The following CUX1 variants were observed in gnomAD, a reference collection of about 807,000 sequenced individuals.
The protein encoded by CUX1 is cut like homeobox 1.
A neutral mutation model predicts 158.8 loss-of-function variants in CUX1; 31 were observed. That is an observed-to-expected ratio of 0.20 (90% CI 0.15 to 0.26). The LOEUF is 0.26. Among genes scored for constraint, CUX1 ranks in the 10% least tolerant of loss-of-function variants. The pLI is 1.00. For missense variants in CUX1, 1,589 were observed against 2,014.6 expected (o/e 0.79, Z 4.04); for synonymous variants, 879 against 862.1 (o/e 1.02, Z -0.34).
At chr7:101,980,303 C>T (rs903594920) in intron 2 of CUX1, among the ~76,000 whole-genome samples, 2 of 151,998 alleles carry the variant, frequency 1.3e-5, no homozygotes, top group African/African-American at 2.4e-5. Flanking sequence ...CCCAGGAGTT[C>T]GAGACCAGCC....
At chr7:101,901,826 C>T (rs757600856) in intron 1 of CUX1, among the ~76,000 whole-genome samples, 4 of 152,194 alleles carry the variant, frequency 2.6e-5, no homozygotes, top group Admixed American at 1.3e-4. Context: ...GTTCTCCTCG[C>T]GAAGGGGAAG....
intron 8 of CUX1, among the ~76,000 whole-genome samples, chr7:102,127,018 A>G (rs1554495502): frequency 2.6e-5 from 4 of 152,096 alleles, no homozygotes; most frequent in Non-Finnish European, 1.5e-5. Flanking sequence ...CTCCTATGAG[A>G]ATCTAATGCT....
intron 20 of CUX1, among the ~76,000 whole-genome samples, chr7:102,220,597 C>G (rs1797708068): frequency 6.6e-6 from 1 of 152,146 alleles, no homozygotes; most frequent in Non-Finnish European, 1.5e-5. Flanking sequence ...GCTGGAAAGG[C>G]CCGCAGGCTG....
At chr7:102,025,873 G>A (rs987836068) in intron 2 of CUX1, among the ~76,000 whole-genome samples, 4 of 152,108 alleles carry the variant, frequency 2.6e-5, no homozygotes, top group Non-Finnish European at 1.5e-5. Flanking sequence ...GATGATATTT[G>A]TCAAAAAACT....
chr7:102,193,798 T>C (rs1188511774), intron 12 of CUX1, 44 bp from the exon 13 acceptor site: 9 of 1,596,102 alleles, frequency 5.6e-6, no homozygotes, highest in Middle Eastern at 3.3e-4. Flanking sequence ...CGAGACTCTG[T>C]CTCAAAAAAT....
At chr7:101,860,776 CCT>C (rs2131357628) in intron 1 of CUX1, among the ~76,000 whole-genome samples, 1 of 133,246 alleles carries the variant, frequency 7.5e-6, no homozygotes, top group East Asian at 2.2e-4. Flanking sequence ...TTCCTTCCTT[CCT>C]TCCTTCCCTC....
At chr7:101,989,218 C>T (rs1814762072) in intron 2 of CUX1, among the ~76,000 whole-genome samples, 2 of 152,122 alleles carry the variant, frequency 1.3e-5, no homozygotes, top group Admixed American at 6.5e-5. Context: ...TGCAGGCCTC[C>T]GTCCTCCACC....
intron 4 of CUX1, among the ~76,000 whole-genome samples, chr7:102,086,808 T>A (rs1554480646): frequency 1.3e-5 from 2 of 152,198 alleles, no homozygotes; most frequent in Non-Finnish European, 2.9e-5. Context: ...TTGCATAGTT[T>A]AAAGCTTTGT....
chr7:102,087,890 A>G (rs1828113561), intron 4 of CUX1, among the ~76,000 whole-genome samples: 1 of 151,860 alleles, frequency 6.6e-6, no homozygotes, highest in Non-Finnish European at 1.5e-5. Flanking sequence ...ACGTGAAATC[A>G]TTTTCTTTTG....
At chr7:101,936,457 C>A (rs927227960) in intron 2 of CUX1, among the ~76,000 whole-genome samples, 2 of 152,088 alleles carry the variant, frequency 1.3e-5, no homozygotes, top group Admixed American at 6.6e-5. Flanking sequence ...GGCTGGCGAG[C>A]AGACAGGAGG....
rs988259875 is a variant in CUX1, at chr7:102,081,482, C to T, written c.268+11065C>T. Among the ~76,000 whole-genome samples the T allele has an allele frequency of 7.5e-5, 11 of 146,762 alleles. 2 individuals carry two copies. Among genetic ancestry groups the T allele is most frequent in the African/African-American group, 1.2e-4 (5 of 41,068 alleles). On this transcript the variant is annotated intron_variant, in intron 4 of 23. Transcript: ENST00000292535. Reference sequence around the variant, plus strand: ...TGGTTTTATAAGTGTTTGGCAGTTCCACCTTCGCTCATCTCTCTCCTGCCA... The same window carrying T: ...TGGTTTTATAAGTGTTTGGCAGTTCTACCTTCGCTCATCTCTCTCCTGCCA...
rs782021181 is a variant in CUX1, at chr7:102,200,026, T to C, written c.1961-45T>C. The C allele has an allele frequency of 1.4e-5, 22 of 1,527,792 alleles. No homozygotes were observed. The South Asian group carries it at 2.6e-4, about 18-fold the overall frequency. 94.6% of individuals were successfully genotyped at this position (1,527,792 alleles called of 1,614,324 possible). On this transcript the variant is annotated intron_variant, in intron 16 of 23. Coordinates refer to ENST00000292535, the MANE Select transcript of CUX1 (RefSeq NM_181552.4). ...CGTCTTCGCGCAGCGCTGATTTTTG[T>C]CCGGGGTTTGGGTTTGATGTCATTG...
intron 2 of CUX1, among the ~76,000 whole-genome samples, chr7:101,952,231 C>CA (rs1190623341): frequency 1.3e-5 from 2 of 152,054 alleles, no homozygotes; most frequent in Admixed American, 6.6e-5. Flanking sequence ...AAAAAAAATA[C>CA]AAAAATTAGC....
chr7:102,147,498 C>G (rs1835146860), intron 8 of CUX1, among the ~76,000 whole-genome samples: 1 of 152,192 alleles, frequency 6.6e-6, no homozygotes. Context: ...ATACTTCTCC[C>G]CCAAGACTAT....
chr7:101,908,230 TG>T (rs1562992537), intron 1 of CUX1, among the ~76,000 whole-genome samples: 1 of 152,210 alleles, frequency 6.6e-6, no homozygotes, highest in Non-Finnish European at 1.5e-5. Flanking sequence ...GGACATATTC[TG>T]GGGAGGTGTT....
chr7:101,999,711 CA>C (rs1251727644), intron 2 of CUX1, among the ~76,000 whole-genome samples: 4 of 152,212 alleles, frequency 2.6e-5, no homozygotes, highest in Admixed American at 6.5e-5. Flanking sequence ...TAAACCTTTC[CA>C]AGGCAGTCTG....
chr7:102,098,839 T>A (rs1410571068), intron 5 of CUX1, among the ~76,000 whole-genome samples: 89 of 102,254 alleles, frequency 8.7e-4, no homozygotes, highest in Non-Finnish European at 1.4e-3. Context: ...TTTTTTTTTT[T>A]AAGTAGAGAC....
At chr7:101,954,633 A>AC (rs1423761767) in intron 2 of CUX1, among the ~76,000 whole-genome samples, 4 of 151,520 alleles carry the variant, frequency 2.6e-5, no homozygotes, top group Non-Finnish European at 4.4e-5. Flanking sequence ...ACATAGCAAG[A>AC]CCCCTTCTCT....
At chr7:102,105,504 C>CTTTTTTT (rs781922611) in intron 6 of CUX1, among the ~76,000 whole-genome samples, 3 of 85,884 alleles carry the variant, frequency 3.5e-5, no homozygotes, top group African/African-American at 4.9e-5. Context: ...CCATATAGAT[C>CTTTTTTT]TTTTTTTTTT....
Sources: allele counts gnomAD v4.1 joint callset (sites outside exome capture counted in the v4.1 genomes callset), GRCh38; gene constraint gnomAD v4.1.1; transcripts MANE v1.5; gene names NCBI Gene and HGNC (gene_info 2026-07-23, HGNC 2026-07-21).